Variants in SLC8A3 observed in about 807,000 individuals in gnomAD.
The protein encoded by SLC8A3 is solute carrier family 8 member A3, also known as sodium/calcium exchanger 3.
SLC8A3 carries 37 observed loss-of-function variants against 65.4 expected under a neutral mutation model. The ratio of observed to expected loss-of-function variants is 0.57; its 90% CI spans 0.44 to 0.74. SLC8A3 has a LOEUF of 0.74. Ranked by LOEUF, SLC8A3 falls within the 30% of genes least tolerant of loss-of-function variation. The pLI, the probability that SLC8A3 is intolerant of heterozygous loss-of-function variation, is 0.00. For missense variants in SLC8A3, 1,112 were observed against 1,172.1 expected (o/e 0.95, Z 0.75); for synonymous variants, 461 against 444.5 (o/e 1.04, Z -0.47).
intron 2 of SLC8A3, among the ~76,000 whole-genome samples, chr14:70,099,263 T>C (rs1892400492): frequency 6.6e-6 from 1 of 152,350 alleles, no homozygotes; most frequent in Non-Finnish European, 1.5e-5. Context: ...GTAAGGTTTG[T>C]AAATTTTAAA....
At chr14:70,071,882 A>T (rs563013754) in intron 2 of SLC8A3, among the ~76,000 whole-genome samples, 78 of 152,324 alleles carry the variant, frequency 5.1e-4, no homozygotes, top group African/African-American at 1.7e-3. Flanking sequence ...TATTTTGTGA[A>T]CAAAAAGAGT....
At chr14:70,189,242 T>C (rs6573932), upstream of SLC8A3, among the ~76,000 whole-genome samples, 148,446 of 152,140 alleles carry the variant, frequency 0.98, 72,529 homozygotes, top group East Asian at 1. Flanking sequence ...CCACCCACCC[T>C]AGTCGTTGGA....
intron 1 of SLC8A3, among the ~76,000 whole-genome samples, chr14:70,174,663 T>TTTTTTG (rs1897772802): frequency 4.6e-5 from 1 of 21,888 alleles, no homozygotes; most frequent in African/African-American, 1.7e-4. Context: ...TTTTTTTTTG[T>TTTTTTG]TTTTTTTTTT....
intron 1 of SLC8A3, among the ~76,000 whole-genome samples, chr14:70,182,732 G>C (rs373466991): frequency 1.6e-4 from 25 of 152,094 alleles, no homozygotes. Context: ...GTTTGTTGAA[G>C]GCATGATGGG....
Position 70,161,148 on chromosome 14 carries a change from T to C in SLC8A3, c.1784+5491A>G, listed in dbSNP as rs181478221. Among the ~76,000 whole-genome samples the C allele has an allele frequency of 1.4e-5, 2 of 145,834 alleles. 1 individual carries two copies. Among genetic ancestry groups the C allele is most frequent in the African/African-American group, 5.0e-5 (2 of 40,094 alleles). Reference sequence around the variant, plus strand: ...ATATATATATATAAATATAAATATATATGTATAATATATATATATTAGGCC... The same window carrying C: ...ATATATATATATAAATATAAATATACATGTATAATATATATATATTAGGCC... On this transcript the variant is annotated intron_variant, in intron 2 of 6. Coordinates refer to ENST00000356921, the MANE Select transcript of SLC8A3 (RefSeq NM_182932.3).
intron 2 of SLC8A3, among the ~76,000 whole-genome samples, chr14:70,103,250 T>C (rs574062320): frequency 2.6e-5 from 4 of 152,096 alleles, no homozygotes; most frequent in African/African-American, 9.6e-5. Context: ...TACATGGAAA[T>C]AGAGAATATG....
chr14:70,181,419 G>A (rs766481047), intron 1 of SLC8A3, among the ~76,000 whole-genome samples: 20 of 151,512 alleles, frequency 1.3e-4, no homozygotes, highest in Non-Finnish European at 2.5e-4. Flanking sequence ...ACATAGAGTG[G>A]GAGACAGAAA....
chr14:70,067,999 A>G (rs890574691), intron 2 of SLC8A3, among the ~76,000 whole-genome samples: 1 of 152,212 alleles, frequency 6.6e-6, no homozygotes, highest in Non-Finnish European at 1.5e-5. Context: ...GGAGGTGCCA[A>G]TGCACACAGC....
chr14:70,161,117 G>A (rs1461776917), intron 2 of SLC8A3, among the ~76,000 whole-genome samples: 1 of 142,896 alleles, frequency 7.0e-6, no homozygotes, highest in Non-Finnish European at 1.5e-5. Flanking sequence ...AGCCGGACGT[G>A]GTGGTATATA....
chr14:70,167,776 C>T lies in SLC8A3; in HGVS notation c.647G>A (p.Trp216Ter). The change falls in exon 2 of 7, where the codon TGG becomes TAG. Residue 216 changes from tryptophan (W) to a stop codon, truncating the protein, a stop_gained. Transcript: ENST00000356921. LOFTEE classifies it high-confidence loss of function. The stretch of plus-strand genomic sequence containing the variant: ...GAAGACTGCCAGAATCATATAGAGC[C>T]AGATGTAGGCAAAGATACTCCAAGC... ...TAAWSIFAYI[W>*]LYMILAVFSP... 1 of 1,614,114 alleles carries T rather than the reference C, an allele frequency of 6.2e-7. No homozygotes were observed. The highest frequency in any genetic ancestry group is 8.5e-7 in the Non-Finnish European group (1 of 1,180,022).
intron 1 of SLC8A3, among the ~76,000 whole-genome samples, chr14:70,172,373 A>T (rs1320362572): frequency 1.3e-5 from 2 of 152,238 alleles, no homozygotes; most frequent in Non-Finnish European, 2.9e-5. Context: ...TAGAATTCAC[A>T]GACAGATGAC....
At chr14:70,157,606 A>G (rs1053887634) in intron 2 of SLC8A3, among the ~76,000 whole-genome samples, 4 of 152,332 alleles carry the variant, frequency 2.6e-5, no homozygotes, top group Non-Finnish European at 4.4e-5. Context: ...AATAATAAAG[A>G]AGCCCATAGA....
In SLC8A3 at chr14:70,167,098, G is replaced by T; in HGVS notation, c.1325C>A (p.Ala442Glu). 6.2e-7 allele frequency: 1 copy of T among 1,614,074 alleles called. No homozygotes were observed. The highest frequency in any genetic ancestry group is 8.5e-7 in the Non-Finnish European group (1 of 1,180,026). Residue 442 changes from alanine (A) to glutamate (E), a missense_variant, in exon 2 of 7, where the codon GCA becomes GAA. Transcript: ENST00000356921. Reference sequence around the variant, plus strand: ...CTCTGTGAACTCATAGTCAGCCCCTGCATTGGCAGAACCATCCTCTGTTTT... The same window carrying T: ...CTCTGTGAACTCATAGTCAGCCCCTTCATTGGCAGAACCATCCTCTGTTTT... Reference protein sequence around the residue: ...DYKTEDGSANAGADYEFTEGT... With the variant: ...DYKTEDGSANEGADYEFTEGT...
chr14:70,084,101 C>T (rs758773629), intron 2 of SLC8A3, among the ~76,000 whole-genome samples: 62 of 152,192 alleles, frequency 4.1e-4, no homozygotes, highest in Admixed American at 4.6e-4. Context: ...TGCCCTCCTG[C>T]AAATTACTTA....
intron 2 of SLC8A3, among the ~76,000 whole-genome samples, chr14:70,084,201 G>A (rs1891261881): frequency 6.6e-6 from 1 of 152,170 alleles, no homozygotes; most frequent in Non-Finnish European, 1.5e-5. Context: ...TTAATTAAGG[G>A]GTCCTGCATA....
chr14:70,089,223 C>T (rs570041804), intron 2 of SLC8A3, among the ~76,000 whole-genome samples: 1 of 152,322 alleles, frequency 6.6e-6, no homozygotes, highest in South Asian at 2.1e-4. Flanking sequence ...ACCATCTTCT[C>T]TGAGATGCTT....
intron 2 of SLC8A3, among the ~76,000 whole-genome samples, chr14:70,084,906 G>A (rs1000761279): frequency 1.1e-4 from 17 of 152,224 alleles, no homozygotes; most frequent in Middle Eastern, 3.4e-3. Context: ...GAGTAATAAC[G>A]TTTATAAGGT....
chr14:70,176,400 C>T (rs180675557), intron 1 of SLC8A3, among the ~76,000 whole-genome samples: 1 of 152,324 alleles, frequency 6.6e-6, no homozygotes, highest in Non-Finnish European at 1.5e-5. Flanking sequence ...CATCTAGATC[C>T]TACTCCAGAC....
rs138316082 is a variant in SLC8A3, at chr14:70,076,682, C to G, written c.1785-15743G>C. Among the ~76,000 whole-genome samples the G allele has an allele frequency of 4.1e-3, 621 of 152,276 alleles. 4 individuals are homozygous for G. Among genetic ancestry groups the G allele is most frequent in the African/African-American group, 0.014 (579 of 41,546 alleles). The stretch of plus-strand genomic sequence containing the variant: ...ACCTTGATAGCTCCTGTTTCCCTTC[C>G]CAAACAAGTCTAACCTCCTTTTCCT... On this transcript the variant is annotated intron_variant, in intron 2 of 6. Transcript: ENST00000356921.
Sources: allele counts gnomAD v4.1 joint callset (sites outside exome capture counted in the v4.1 genomes callset), GRCh38; gene constraint gnomAD v4.1.1; transcripts MANE v1.5; gene names NCBI Gene and HGNC (gene_info 2026-07-23, HGNC 2026-07-21).